The following PPARGC1A variants were observed in gnomAD, a reference collection of about 807,000 sequenced individuals.
The protein encoded by PPARGC1A is peroxisome proliferator-activated receptor gamma coactivator 1-alpha.
PPARGC1A carries 25 observed loss-of-function variants against 88.7 expected under a neutral mutation model. The observed-to-expected ratio is 0.28, with a 90% CI of 0.21 to 0.39. The LOEUF (loss-of-function observed/expected upper bound fraction) is 0.39. Among genes scored for constraint, PPARGC1A ranks in the 10% least tolerant of loss-of-function variants. The probability of loss-of-function intolerance (pLI) is 1.00; values close to 1 mark genes in which losing one functional copy is unlikely to be tolerated. For synonymous variants in PPARGC1A, 363 were observed against 355.6 expected (o/e 1.02, Z -0.24); for missense variants, 880 against 968.7 (o/e 0.91, Z 1.22).
the PPARGC1A span, among the ~76,000 whole-genome samples, chr4:24,261,923 G>C: frequency 6.6e-6 from 1 of 152,184 alleles, no homozygotes; most frequent in Non-Finnish European, 1.5e-5. Context: ...CCACCAAGCT[G>C]TGTGTGCTAA....
At chr4:24,441,794 G>A in the PPARGC1A span, among the ~76,000 whole-genome samples, 3 of 152,174 alleles carry the variant, frequency 2.0e-5, no homozygotes, top group African/African-American at 7.2e-5. Flanking sequence ...GAGGGGAGGA[G>A]AAGGGAGGCA....
chr4:23,958,103 G>T, the PPARGC1A span, among the ~76,000 whole-genome samples: 3 of 152,058 alleles, frequency 2.0e-5, no homozygotes, highest in Non-Finnish European at 4.4e-5. Flanking sequence ...TTTTTTGGAG[G>T]AATGAAACTT....
At chr4:24,452,586 A>C in the PPARGC1A span, among the ~76,000 whole-genome samples, 2 of 152,192 alleles carry the variant, frequency 1.3e-5, no homozygotes, top group Non-Finnish European at 2.9e-5. Flanking sequence ...ATAAATCTTG[A>C]GATCACTGTA....
At chr4:24,404,514 G>A in the PPARGC1A span, among the ~76,000 whole-genome samples, 406 of 152,184 alleles carry the variant, frequency 2.7e-3, 1 homozygote, top group Non-Finnish European at 4.0e-3. Context: ...GATAAGCGAA[G>A]GCATGGAGAA....
the PPARGC1A span, among the ~76,000 whole-genome samples, chr4:24,221,873 C>A: frequency 6.6e-6 from 1 of 152,076 alleles, no homozygotes; most frequent in East Asian, 1.9e-4. Context: ...ACAGTAAGAC[C>A]GTTCTTCACT....
the PPARGC1A span, among the ~76,000 whole-genome samples, chr4:24,179,454 C>G: frequency 1.3e-5 from 2 of 152,076 alleles, no homozygotes; most frequent in Non-Finnish European, 2.9e-5. Context: ...AGTTCTGCGG[C>G]TCAAAAGGTC....
At chr4:24,417,579 A>G in the PPARGC1A span, among the ~76,000 whole-genome samples, 1 of 152,188 alleles carries the variant, frequency 6.6e-6, no homozygotes, top group Non-Finnish European at 1.5e-5. Context: ...TGCTTGTTGT[A>G]ATATTGCTTT....
At chr4:23,986,547 A>G in the PPARGC1A span, among the ~76,000 whole-genome samples, 2 of 152,152 alleles carry the variant, frequency 1.3e-5, no homozygotes, top group Non-Finnish European at 2.9e-5. Flanking sequence ...GGTAGAAGCA[A>G]ACTCTTACAG....
chr4:23,854,795 C>T lies in PPARGC1A; in HGVS notation c.235-23044G>A, dbSNP rs565190190. Among the ~76,000 whole-genome samples the T allele has an allele frequency of 9.2e-5, 14 of 151,664 alleles. No individual in the cohort carries two copies. The South Asian group carries it at 2.3e-3, about 25-fold the overall frequency. On this transcript the variant is annotated intron_variant, in intron 2 of 12. Coordinates refer to ENST00000264867, the MANE Select transcript of PPARGC1A (RefSeq NM_013261.5). ...ACGATGCTTGGAATATGGTAGACAC[C>T]GGGTAAATCCCAGATGGATGAATGA...
chr4:23,837,857 A>C (rs1490379043), intron 2 of PPARGC1A, among the ~76,000 whole-genome samples: 1 of 152,190 alleles, frequency 6.6e-6, no homozygotes, highest in South Asian at 2.1e-4. Flanking sequence ...TCTTTCTTGA[A>C]TCTCCATAGA....
chr4:23,860,832 G>T (rs768100508), intron 2 of PPARGC1A, among the ~76,000 whole-genome samples: 2 of 152,202 alleles, frequency 1.3e-5, no homozygotes, highest in African/African-American at 2.4e-5. Flanking sequence ...GGTGAATGGA[G>T]AGAATTGGGT....
chr4:24,131,199 TA>T, the PPARGC1A span, among the ~76,000 whole-genome samples: 1,656 of 145,076 alleles, frequency 0.011, 25 homozygotes, highest in African/African-American at 0.023. Flanking sequence ...GTTGAATGAG[TA>T]AAAAAAAAAA....
In PPARGC1A at chr4:23,801,897, A is replaced by G. The variant is rs1718825103; in HGVS notation, c.2142-16T>C. ...ATAGCTGTCTCTGCAACGGACAAAGAAAAGTTCAAAGCTGGTTAAGAAGTA... is the reference window on the plus strand; with the variant it reads ...ATAGCTGTCTCTGCAACGGACAAAGGAAAGTTCAAAGCTGGTTAAGAAGTA... On this transcript the variant is annotated splice_polypyrimidine_tract_variant and intron_variant, in intron 11 of 12. Transcript: ENST00000264867. 1 of 1,613,290 alleles carries G rather than the reference A, an allele frequency of 6.2e-7. No individual in the cohort carries two copies. The highest frequency in any genetic ancestry group is 1.3e-5 in the African/African-American group (1 of 75,012).
chr4:23,968,120 C>T, the PPARGC1A span, among the ~76,000 whole-genome samples: 1 of 152,182 alleles, frequency 6.6e-6, no homozygotes, highest in African/African-American at 2.4e-5. Flanking sequence ...AAATCCTAGA[C>T]ATCAGGCAGA....
chr4:24,114,178 T>C, the PPARGC1A span, among the ~76,000 whole-genome samples: 1 of 147,674 alleles, frequency 6.8e-6, no homozygotes, highest in Non-Finnish European at 1.5e-5. Context: ...TTCCAGATGA[T>C]GTTGCTGAAC....
the PPARGC1A span, among the ~76,000 whole-genome samples, chr4:24,024,790 G>C: frequency 6.6e-6 from 1 of 152,190 alleles, no homozygotes. Context: ...ATGCAAGGAT[G>C]GGGAAGCATT....
Position 23,794,571 on chromosome 4 carries a change from T to A in PPARGC1A, c.*1251A>T, listed in dbSNP as rs951662996. ...AAGCAGTAAGTTCAGCTTCTAAATATGTTAGTGTACAATAATTGTTTCACC... is the reference window on the plus strand; with the variant it reads ...AAGCAGTAAGTTCAGCTTCTAAATAAGTTAGTGTACAATAATTGTTTCACC... On this transcript the variant is annotated 3_prime_UTR_variant, in exon 13 of 13. Transcript: ENST00000264867. 1 of 152,590 alleles carries A rather than the reference T, an allele frequency of 6.6e-6. No individual in the cohort carries two copies. Among genetic ancestry groups the A allele is most frequent in the Non-Finnish European group, 1.5e-5 (1 of 68,032 alleles). The allele number at this position is 152,590 out of a possible 1,614,324, so 9.5% of individuals were successfully genotyped here. A position where few individuals can be genotyped will look rare whatever the true frequency, so the allele number is the denominator to read the frequency against.
the PPARGC1A span, among the ~76,000 whole-genome samples, chr4:24,208,166 C>A: frequency 6.6e-6 from 1 of 152,026 alleles, no homozygotes; most frequent in Non-Finnish European, 1.5e-5. Context: ...ACCTGTAGTC[C>A]CAGCTACTAG....
the PPARGC1A span, among the ~76,000 whole-genome samples, chr4:24,045,271 T>G: frequency 1.3e-5 from 2 of 152,146 alleles, no homozygotes; most frequent in Admixed American, 1.3e-4. Flanking sequence ...ATAAATATAT[T>G]TTTAAAATCA....
Sources: gnomAD v4.1 joint callset for allele counts (sites outside exome capture counted in the v4.1 genomes callset) on GRCh38, gnomAD v4.1.1 for gene constraint, MANE v1.5 for transcripts, NCBI Gene and HGNC (gene_info 2026-07-23, HGNC 2026-07-21) for gene names.